The following EHF variants were observed in gnomAD, a reference collection of about 807,000 sequenced individuals.
EHF encodes the protein ESE3 transcription factor.
In EHF, 14 loss-of-function variants were observed where a neutral mutation model predicts 45.1. That is an observed-to-expected ratio of 0.31 (90% CI 0.21 to 0.49). EHF has a LOEUF of 0.49. Ranked by LOEUF, EHF falls within the 20% of genes least tolerant of loss-of-function variation. The pLI, the probability that EHF is intolerant of heterozygous loss-of-function variation, is 0.99. For synonymous variants in EHF, 136 were observed against 131.8 expected (o/e 1.03, Z -0.22); for missense variants, 282 against 371.4 (o/e 0.76, Z 1.98).
chr11:34,633,077 C>T (rs190523101), intron 1 of EHF, among the ~76,000 whole-genome samples: 57 of 152,214 alleles, frequency 3.7e-4, no homozygotes, highest in Admixed American at 1.9e-3. Context: ...CTTGGCCAGC[C>T]TTGAGATGCT....
Position 34,639,524 on chromosome 11 carries a change from C to T in EHF, c.-3-3104C>T, listed in dbSNP as rs114399215. ...GTGTCTTCACTCTACGCCTGAAAAA[C>T]TATGCCTCAGAGGAGGGTAGGACTC... On this transcript the variant is annotated intron_variant, in intron 1 of 8. Coordinates refer to ENST00000257831, the MANE Select transcript of EHF (RefSeq NM_012153.6). 8.6e-3 allele frequency among the ~76,000 whole-genome samples: 1,303 copies of T among 152,358 alleles called. 7 individuals carry two copies. Among genetic ancestry groups the T allele is most frequent in the African/African-American group, 0.014 (580 of 41,586 alleles).
Position 34,639,941 on chromosome 11 carries a change from C to T in EHF, c.-3-2687C>T, listed in dbSNP as rs544267042. On this transcript the variant is annotated intron_variant, in intron 1 of 8. Coordinates refer to ENST00000257831, the MANE Select transcript of EHF (RefSeq NM_012153.6). ...AGAAGGTCATGGTGGAAAATGACGT[C>T]GGCCCTGAGGAGAGGGGCTTGTGGG... Among the ~76,000 whole-genome samples, 47 of 151,974 alleles carry T rather than the reference C, an allele frequency of 3.1e-4. 1 individual carries two copies. Among genetic ancestry groups the T allele is most frequent in the African/African-American group, 1.1e-3 (44 of 41,434 alleles).
In EHF at chr11:34,649,069, A is replaced by C; in HGVS notation, c.394A>C (p.Thr132Pro). 2 of 1,613,912 alleles carry C rather than the reference A, an allele frequency of 1.2e-6. No individual in the cohort carries two copies. The highest frequency in any genetic ancestry group is 1.7e-6 in the Non-Finnish European group (2 of 1,179,896). Reference protein sequence around the residue: ...FQSTHNVIVKTEQTEPSIMNT... With the variant: ...FQSTHNVIVKPEQTEPSIMNT... ...GTCCACACACAATGTCATTGTCAAG[A>C]CTGAACAAACTGGTGAGTAGTAGTG... Residue 132 changes from threonine to proline, a missense_variant, in exon 4 of 9, where the codon ACT becomes CCT. Transcript: ENST00000257831.
intron 6 of EHF, among the ~76,000 whole-genome samples, chr11:34,655,901 G>A (rs751664742): frequency 1.3e-5 from 2 of 152,140 alleles, no homozygotes; most frequent in Non-Finnish European, 2.9e-5. Flanking sequence ...CTGGGTCAGT[G>A]GACCCTAGTT....
chr11:34,644,526 G>A (rs1392847120), intron 2 of EHF, among the ~76,000 whole-genome samples: 1 of 152,206 alleles, frequency 6.6e-6, no homozygotes, highest in Non-Finnish European at 1.5e-5. Context: ...CATGAGGTAC[G>A]AGGAGCTAAG....
chr11:34,653,719 GTC>G (rs1431469189), intron 6 of EHF, among the ~76,000 whole-genome samples: 1 of 152,158 alleles, frequency 6.6e-6, no homozygotes, highest in African/African-American at 2.4e-5. Flanking sequence ...ATAGTTTATA[GTC>G]TCTACTGCAT....
chr11:34,645,480 A>G (rs1331393148), intron 2 of EHF, among the ~76,000 whole-genome samples: 2 of 152,212 alleles, frequency 1.3e-5, no homozygotes, highest in Non-Finnish European at 2.9e-5. Flanking sequence ...TGATACAAAG[A>G]CAAGTAAAAC....
In EHF at chr11:34,662,308, T is replaced by G. The variant is rs966629269; in HGVS notation, c.*3377T>G. 1.3e-5 allele frequency among the ~76,000 whole-genome samples: 2 copies of G among 152,044 alleles called. No homozygotes were observed. The highest frequency in any genetic ancestry group is 2.9e-5 in the Non-Finnish European group (2 of 67,974). On this transcript the variant is annotated 3_prime_UTR_variant, in exon 9 of 9. Coordinates refer to ENST00000257831, the MANE Select transcript of EHF (RefSeq NM_012153.6). ...ACCTTCAAGGACATATTATCTACTA[T>G]GAACATTTTACTGTGAGACTCTTTA...
chr11:34,638,749 T>C (rs2134073572), intron 1 of EHF, among the ~76,000 whole-genome samples: 1 of 152,250 alleles, frequency 6.6e-6, no homozygotes, highest in African/African-American at 2.4e-5. Context: ...AACCACTACC[T>C]AGGGTGGCTG....
At position 34,649,651 on chromosome 11, in the gene EHF, C is replaced by T. The variant is rs547637024; in HGVS notation, c.406+570C>T. ...AATGCTGGGCTCTGAGCAGAGTCTACAGTCCCATAGCATCTACATTCATTT... is the reference window on the plus strand; with the variant it reads ...AATGCTGGGCTCTGAGCAGAGTCTATAGTCCCATAGCATCTACATTCATTT... On this transcript the variant is annotated intron_variant, in intron 4 of 8. Coordinates refer to ENST00000257831, the MANE Select transcript of EHF (RefSeq NM_012153.6). Among the ~76,000 whole-genome samples the T allele has an allele frequency of 1.4e-4, 22 of 152,302 alleles. 1 individual carries two copies. The East Asian group carries it at 3.9e-3, about 27-fold the overall frequency.
chr11:34,627,112 T>TTGTGTG lies in EHF; in HGVS notation c.-4+5911_-4+5916dup, dbSNP rs6144298. The stretch of plus-strand genomic sequence containing the variant: ...GGATATTAAATTCTGGGATTTTGGT[T>TTGTGTG]TGTGTGTGTGTGTGTGTGTGTGTGT... On this transcript the variant is annotated intron_variant, in intron 1 of 8. Coordinates refer to ENST00000257831, the MANE Select transcript of EHF (RefSeq NM_012153.6). 3.1e-3 allele frequency among the ~76,000 whole-genome samples: 457 copies of TTGTGTG among 148,672 alleles called. 3 individuals carry two copies. The highest frequency in any genetic ancestry group is 0.03 in the East Asian group (148 of 4,956).
rs1856072124 is a variant in EHF, at chr11:34,661,359, C to G, written c.*2428C>G. The stretch of plus-strand genomic sequence containing the variant: ...GAGGCTAGATCCTTCGCTGACTTCA[C>G]CATTCCTCAAACCTGTAAGTTTCTC... On this transcript the variant is annotated 3_prime_UTR_variant, in exon 9 of 9. Transcript: ENST00000257831. 6.6e-6 allele frequency among the ~76,000 whole-genome samples: 1 copy of G among 152,174 alleles called. No homozygotes were observed. The highest frequency in any genetic ancestry group is 2.1e-4 in the South Asian group (1 of 4,830).
Position 34,656,900 on chromosome 11 carries a change from C to G in EHF, c.545-8C>G, listed in dbSNP as rs575745341. 6.2e-7 allele frequency: 1 copy of G among 1,612,872 alleles called. No individual in the cohort carries two copies. Among genetic ancestry groups the G allele is most frequent in the South Asian group, 1.1e-5 (1 of 90,974 alleles). ...GGTCAATTAAACGCCTCTCATTTTT[C>G]TCCTTAGCAGAGTCACCTGATATGA... On this transcript the variant is annotated splice_polypyrimidine_tract_variant and splice_region_variant and intron_variant, in intron 6 of 8. Transcript: ENST00000257831.
chr11:34,653,573 C>G (rs1305464348), intron 6 of EHF, among the ~76,000 whole-genome samples: 1 of 152,126 alleles, frequency 6.6e-6, no homozygotes, highest in Admixed American at 6.5e-5. Context: ...GTGATTGTAA[C>G]CCAGGCTGGA....
At chr11:34,646,251 T>G (rs1292742426) in intron 2 of EHF, among the ~76,000 whole-genome samples, 188 bp from the exon 3 acceptor site, 1 of 152,072 alleles carries the variant, frequency 6.6e-6, no homozygotes, top group Non-Finnish European at 1.5e-5. Flanking sequence ...CCTCATCCAG[T>G]GTCCAGGGGT....
intron 1 of EHF, among the ~76,000 whole-genome samples, chr11:34,636,758 C>A (rs1266287104): frequency 6.6e-6 from 1 of 152,146 alleles, no homozygotes; most frequent in Non-Finnish European, 1.5e-5. Flanking sequence ...CACGGCCGGG[C>A]CCGGTGGCTC....
intron 2 of EHF, among the ~76,000 whole-genome samples, chr11:34,642,938 A>G (rs1854152128): frequency 6.6e-6 from 1 of 152,174 alleles, no homozygotes; most frequent in African/African-American, 2.4e-5. Flanking sequence ...CCTCCTCCCA[A>G]AATTCAAGGT....
At chr11:34,648,772 C>A (rs1000927106) in intron 3 of EHF, among the ~76,000 whole-genome samples, 1 of 152,110 alleles carries the variant, frequency 6.6e-6, no homozygotes, top group African/African-American at 2.4e-5. Context: ...ATACTGAATG[C>A]CTTTACTATA....
rs1005464693 is a variant in EHF, at chr11:34,661,766, T to C, written c.*2835T>C. On this transcript the variant is annotated 3_prime_UTR_variant, in exon 9 of 9. Coordinates refer to ENST00000257831, the MANE Select transcript of EHF (RefSeq NM_012153.6). ...TCTTTTGGGGACACATGGCTCTCAC[T>C]TGAGAAGCTCACCTGTGCTGAATGT... Among the ~76,000 whole-genome samples the C allele has an allele frequency of 6.6e-6, 1 of 152,148 alleles. No homozygotes were observed. Among genetic ancestry groups the C allele is most frequent in the Admixed American group, 6.6e-5 (1 of 15,256 alleles).
Sources: gnomAD v4.1 joint callset for allele counts (sites outside exome capture counted in the v4.1 genomes callset) on GRCh38, gnomAD v4.1.1 for gene constraint, MANE v1.5 for transcripts, NCBI Gene and HGNC (gene_info 2026-07-23, HGNC 2026-07-21) for gene names.